The following CDC123 variants were observed in gnomAD, a reference collection of about 807,000 sequenced individuals.
CDC123 encodes cell division cycle 123.
A neutral mutation model predicts 54.4 loss-of-function variants in CDC123; 37 were observed. The ratio of observed to expected loss-of-function variants is 0.68; its 90% CI spans 0.52 to 0.89. CDC123 has a LOEUF of 0.89. CDC123 is among the 40% of genes least tolerant of loss of function. The pLI, the probability that CDC123 is intolerant of heterozygous loss-of-function variation, is 0.00. For missense variants in CDC123, 361 were observed against 412.1 expected (o/e 0.88, Z 1.07); for synonymous variants, 144 against 136.8 (o/e 1.05, Z -0.37).
At chr10:12,234,190 G>C (rs1322042417) in intron 7 of CDC123, among the ~76,000 whole-genome samples, 4 of 152,204 alleles carry the variant, frequency 2.6e-5, no homozygotes. Context: ...CGCTTCCTGG[G>C]TTCAAGCGAT....
At chr10:12,216,107 C>G (rs963719848) in intron 5 of CDC123, among the ~76,000 whole-genome samples, 1 of 152,130 alleles carries the variant, frequency 6.6e-6, no homozygotes, top group Non-Finnish European at 1.5e-5. Context: ...ATACTCTGCC[C>G]TTTTCAAAAC....
intron 3 of CDC123, 84 bp from the exon 4 acceptor site, chr10:12,210,206 T>C: frequency 6.5e-7 from 1 of 1,538,504 alleles, no homozygotes; most frequent in Admixed American, 2.0e-5. Flanking sequence ...GTTTGATTTA[T>C]AATTTTTAGA....
intron 2 of CDC123, among the ~76,000 whole-genome samples, chr10:12,206,641 A>T (rs1054638855): frequency 1.3e-5 from 2 of 152,164 alleles, no homozygotes; most frequent in African/African-American, 4.8e-5. Flanking sequence ...GCGAAACCCC[A>T]TCTCTAGTAA....
At chr10:12,230,248 A>G (rs1314811566) in intron 6 of CDC123, among the ~76,000 whole-genome samples, 2 of 151,044 alleles carry the variant, frequency 1.3e-5, no homozygotes, top group African/African-American at 4.9e-5. Flanking sequence ...GCTGGAGTTC[A>G]GTGGCACTGT....
Position 12,238,481 on chromosome 10 carries a change from G to A in CDC123, c.713G>A (p.Ser238Asn). 1 of 1,608,070 alleles carries A rather than the reference G, an allele frequency of 6.2e-7. No homozygotes were observed. Among genetic ancestry groups the A allele is most frequent in the South Asian group, 1.1e-5 (1 of 89,544 alleles). Residue 238 changes from serine (S) to asparagine (N), a missense_variant, in exon 10 of 13, where the codon AGT becomes AAT. Physicochemically the swap from Ser to Asn is conservative, Grantham distance 46. Coordinates refer to ENST00000281141, the MANE Select transcript of CDC123 (RefSeq NM_006023.3). ...EDFVFDIYRDSRGKVWLIDFN... is the reference protein window; with the variant it reads ...EDFVFDIYRDNRGKVWLIDFN... ...GTTGTGTTCGATATATACAGAGACAGTAGGGTAAGTAAAAACTCTTTCTGA... is the reference window on the plus strand; with the variant it reads ...GTTGTGTTCGATATATACAGAGACAATAGGGTAAGTAAAAACTCTTTCTGA...
intron 2 of CDC123, among the ~76,000 whole-genome samples, chr10:12,201,987 T>C (rs1424753106): frequency 6.6e-6 from 1 of 152,202 alleles, no homozygotes; most frequent in Non-Finnish European, 1.5e-5. Flanking sequence ...TGAATGAAGA[T>C]GGTCATTTGC....
chr10:12,216,038 G>A (rs1021852801), intron 5 of CDC123, among the ~76,000 whole-genome samples: 12 of 152,090 alleles, frequency 7.9e-5, no homozygotes, highest in Non-Finnish European at 1.5e-4. Flanking sequence ...TGTATATTCT[G>A]CCAAAAGGTA....
Position 12,215,918 on chromosome 10 carries a change from C to G in CDC123, c.333+83C>G, listed in dbSNP as rs901475872. 9 of 756,104 alleles carry G rather than the reference C, an allele frequency of 1.2e-5. No homozygotes were observed. The South Asian group carries it at 1.8e-4, about 15-fold the overall frequency. The allele number at this position is 756,104 out of a possible 1,614,324, so 46.8% of individuals were successfully genotyped here. On this transcript the variant is annotated intron_variant, in intron 5 of 12. Coordinates refer to ENST00000281141, the MANE Select transcript of CDC123 (RefSeq NM_006023.3). The stretch of plus-strand genomic sequence containing the variant: ...TTCATTTCATATCCCTACAGAGGGT[C>G]TAATTATATTCCTAATTCTAGGAAA...
rs1409156226 is a variant in CDC123, at chr10:12,220,866, A to G, written c.440+3399A>G. On this transcript the variant is annotated intron_variant, in intron 6 of 12. Coordinates refer to ENST00000281141, the MANE Select transcript of CDC123 (RefSeq NM_006023.3). ...GTGGCGGGCGCCTGCAGTCCTAGCT[A>G]CTCGGGAGGCTGAGGCAGGAGAATG... Among the ~76,000 whole-genome samples the G allele has an allele frequency of 3.9e-5, 6 of 152,080 alleles. No individual in the cohort carries two copies. The South Asian group carries it at 6.2e-4, about 16-fold the overall frequency.
chr10:12,243,779 A>G (rs1332986995), intron 10 of CDC123, among the ~76,000 whole-genome samples: 1 of 149,946 alleles, frequency 6.7e-6, no homozygotes, highest in Non-Finnish European at 1.5e-5. Flanking sequence ...GCGAGACTCC[A>G]TCTCAAAAAA....
intron 2 of CDC123, among the ~76,000 whole-genome samples, chr10:12,203,042 A>T (rs773761230): frequency 2.0e-5 from 3 of 152,208 alleles, no homozygotes; most frequent in Non-Finnish European, 4.4e-5. Context: ...AAAATAAAGG[A>T]TATTAATAAT....
chr10:12,234,943 C>T (rs1490987467), intron 7 of CDC123, 105 bp from the exon 8 acceptor site: 1 of 789,090 alleles, frequency 1.3e-6, no homozygotes, highest in Non-Finnish European at 2.1e-6. Context: ...TTTTTTAAAA[C>T]CATTTGATAA....
intron 6 of CDC123, among the ~76,000 whole-genome samples, chr10:12,221,866 T>C (rs1835742077): frequency 6.6e-6 from 1 of 152,148 alleles, no homozygotes; most frequent in African/African-American, 2.4e-5. Flanking sequence ...AAGACAATTC[T>C]TCCTCTAATG....
In CDC123 at chr10:12,228,995, G is replaced by A. The variant is rs551028553; in HGVS notation, c.441-1953G>A. Among the ~76,000 whole-genome samples the A allele has an allele frequency of 9.8e-5, 15 of 152,308 alleles. No individual in the cohort carries two copies. In the East Asian group the frequency reaches 1.4e-3, roughly 14 times the overall value. On this transcript the variant is annotated intron_variant, in intron 6 of 12. Coordinates refer to ENST00000281141, the MANE Select transcript of CDC123 (RefSeq NM_006023.3). ...CTCCCAGAGTGCTGGGAGTACAGGCGTGAGCCACCGTGCCAGGTCTGCCCC... is the reference window on the plus strand; with the variant it reads ...CTCCCAGAGTGCTGGGAGTACAGGCATGAGCCACCGTGCCAGGTCTGCCCC...
chr10:12,226,706 G>C (rs549991497), intron 6 of CDC123, among the ~76,000 whole-genome samples: 32 of 151,730 alleles, frequency 2.1e-4, no homozygotes, highest in Admixed American at 1.1e-3. Flanking sequence ...TGGGTGGCTG[G>C]GCAGAGACGC....
At chr10:12,222,712 C>T (rs1470965396) in intron 6 of CDC123, among the ~76,000 whole-genome samples, 1 of 152,134 alleles carries the variant, frequency 6.6e-6, no homozygotes, top group South Asian at 2.1e-4. Flanking sequence ...AGGAGAAATA[C>T]ATTTGACTGC....
chr10:12,235,151 A>G (rs1223115229), intron 8 of CDC123, 28 bp downstream of exon 8: 4 of 1,561,220 alleles, frequency 2.6e-6, no homozygotes, highest in Admixed American at 1.7e-5. Context: ...TGTTTGTTTT[A>G]TCCTTCAAAG....
chr10:12,235,009 T>C (rs1183888785), intron 7 of CDC123, 39 bp from the exon 8 acceptor site: 4 of 1,481,240 alleles, frequency 2.7e-6, no homozygotes, highest in Non-Finnish European at 3.8e-6. Context: ...CCTTACCACA[T>C]AGGTGTGTTA....
chr10:12,239,748 C>G (rs1248043588), intron 10 of CDC123, among the ~76,000 whole-genome samples: 2 of 149,730 alleles, frequency 1.3e-5, no homozygotes, highest in Non-Finnish European at 3.0e-5. Context: ...GTGGCTCACA[C>G]CTGTAATCCC....
Sources: gnomAD v4.1 joint callset for allele counts (sites outside exome capture counted in the v4.1 genomes callset) on GRCh38, gnomAD v4.1.1 for gene constraint, MANE v1.5 for transcripts, NCBI Gene and HGNC (gene_info 2026-07-23, HGNC 2026-07-21) for gene names.